KAT6B: variants seen among roughly 807,000 people sequenced by gnomAD.
KAT6B encodes histone acetyltransferase KAT6B.
Under a neutral mutation model 187.5 loss-of-function variants are expected in KAT6B, and 10 were observed. The observed-to-expected ratio is 0.05, with a 90% CI of 0.03 to 0.09. The LOEUF is 0.09. Among genes scored for constraint, KAT6B ranks in the 10% least tolerant of loss-of-function variants. The pLI, the probability that KAT6B is intolerant of heterozygous loss-of-function variation, is 1.00. For missense variants in KAT6B, 1,952 were observed against 2,558.9 expected (o/e 0.76, Z 5.12); for synonymous variants, 861 against 926.8 (o/e 0.93, Z 1.29).
At chr10:74,946,455 A>T (rs1839955257) in intron 3 of KAT6B, among the ~76,000 whole-genome samples, 1 of 152,248 alleles carries the variant, frequency 6.6e-6, no homozygotes, top group Admixed American at 6.5e-5. Flanking sequence ...AGTGATTTTT[A>T]AAATTTTAGC....
chr10:74,985,835 G>A (rs117555894), intron 12 of KAT6B, among the ~76,000 whole-genome samples: 5,028 of 152,110 alleles, frequency 0.033, 147 homozygotes, highest in East Asian at 0.09. Flanking sequence ...TCATGAGGTC[G>A]AGAGATAGAG....
intron 3 of KAT6B, among the ~76,000 whole-genome samples, chr10:74,886,815 A>G (rs1047358989): frequency 1.3e-5 from 2 of 152,200 alleles, no homozygotes; most frequent in Non-Finnish European, 2.9e-5. Context: ...TGACCCAGGA[A>G]CCAGAGCTCA....
chr10:74,832,213 AG>A (rs1338231636), intron 1 of KAT6B, among the ~76,000 whole-genome samples: 21 of 152,252 alleles, frequency 1.4e-4, no homozygotes, highest in Admixed American at 1.4e-3. Flanking sequence ...AACTCTCAAA[AG>A]GGAACCTGAA....
At chr10:74,955,368 AG>A (rs1474478730) in intron 3 of KAT6B, among the ~76,000 whole-genome samples, 1 of 143,592 alleles carries the variant, frequency 7.0e-6, no homozygotes, top group Non-Finnish European at 1.5e-5. Context: ...TTGAGAGTAA[AG>A]GGACACAATT....
At chr10:74,891,623 A>G (rs1312319757) in intron 3 of KAT6B, among the ~76,000 whole-genome samples, 1 of 152,250 alleles carries the variant, frequency 6.6e-6, no homozygotes, top group African/African-American at 2.4e-5. Flanking sequence ...AAAAAATTAA[A>G]TAATCTCCTG....
chr10:75,021,748 G>A, intron 15 of KAT6B, 133 bp from the exon 16 acceptor site: 1 of 845,292 alleles, frequency 1.2e-6, no homozygotes, highest in Non-Finnish European at 2.0e-6. Flanking sequence ...CTGAGATGAT[G>A]CAGCTGGAAT....
At chr10:75,007,192 C>G (rs1844267955) in intron 13 of KAT6B, among the ~76,000 whole-genome samples, 1 of 152,008 alleles carries the variant, frequency 6.6e-6, no homozygotes, top group South Asian at 2.1e-4. Flanking sequence ...AAAGGACAAC[C>G]AGAAATTATC....
intron 3 of KAT6B, among the ~76,000 whole-genome samples, chr10:74,854,750 A>G (rs1201852016): frequency 2.0e-5 from 3 of 152,144 alleles, no homozygotes; most frequent in Non-Finnish European, 4.4e-5. Context: ...ACCAGCTGCA[A>G]TTTGGTTTCA....
At chr10:74,866,791 G>T (rs1475495794) in intron 3 of KAT6B, among the ~76,000 whole-genome samples, 1 of 152,188 alleles carries the variant, frequency 6.6e-6, no homozygotes, top group African/African-American at 2.4e-5. Context: ...GCACCAAAAT[G>T]AGACTTTCTT....
At chr10:74,895,861 G>C (rs1224336413) in intron 3 of KAT6B, among the ~76,000 whole-genome samples, 1 of 152,068 alleles carries the variant, frequency 6.6e-6, no homozygotes, top group Non-Finnish European at 1.5e-5. Flanking sequence ...TCCCCAGCAT[G>C]ACTTCCTCTT....
chr10:74,874,274 A>T (rs572775577), intron 3 of KAT6B, among the ~76,000 whole-genome samples: 1 of 152,168 alleles, frequency 6.6e-6, no homozygotes, highest in Admixed American at 6.5e-5. Flanking sequence ...AGACAAATTC[A>T]CTTGGGTGGT....
rs185967285 is a variant in KAT6B, at chr10:74,838,170, G to A, written c.-328-513G>A. Among the ~76,000 whole-genome samples the A allele has an allele frequency of 2.9e-4, 44 of 152,214 alleles. No individual in the cohort carries two copies. The East Asian group carries it at 7.9e-3, about 27-fold the overall frequency. On this transcript the variant is annotated intron_variant, in intron 1 of 17. Coordinates refer to ENST00000287239, the MANE Select transcript of KAT6B (RefSeq NM_012330.4). ...TATTTACTATTATGTAAACTGGTACGTTTTTCTTGTAGGTGAGCTTATTGG... is the reference window on the plus strand; with the variant it reads ...TATTTACTATTATGTAAACTGGTACATTTTTCTTGTAGGTGAGCTTATTGG...
intron 3 of KAT6B, among the ~76,000 whole-genome samples, chr10:74,895,164 G>T (rs986855284): frequency 2.0e-5 from 3 of 150,930 alleles, no homozygotes; most frequent in African/African-American, 7.3e-5. Context: ...CTTTTTATAT[G>T]CTTCTTGCCC....
At position 75,024,989 on chromosome 10, in the gene KAT6B, G is replaced by T. The variant is rs138617006; in HGVS notation, c.3404G>T (p.Arg1135Leu). ...RPFVLKKKRG[R>L]KRRRINSSVT... is the part of the protein sequence containing the mutation. ...TTTGTACTAAAGAAGAAAAGGGGTC[G>T]TAAACGCAGGAGGATCAACAGCAGT... The change falls in exon 17 of 18, where the codon CGT becomes CTT. Residue 1135 changes from arginine to leucine, a missense_variant. Physicochemically the swap from Arg to Leu is moderately radical, Grantham distance 102. Transcript: ENST00000287239. The T allele has an allele frequency of 6.2e-7, 1 of 1,614,176 alleles. No individual in the cohort carries two copies. The highest frequency in any genetic ancestry group is 1.7e-5 in the Admixed American group (1 of 60,022).
chr10:75,001,266 C>T (rs866585232), intron 13 of KAT6B, among the ~76,000 whole-genome samples: 31 of 152,220 alleles, frequency 2.0e-4, no homozygotes, highest in African/African-American at 7.5e-4. Flanking sequence ...CACCCACGTC[C>T]GTAGAGATCC....
In KAT6B at chr10:74,830,064, G is replaced by T. The variant is rs1213095359; in HGVS notation, c.-329+3279G>T. On this transcript the variant is annotated intron_variant, in intron 1 of 17. Coordinates refer to ENST00000287239, the MANE Select transcript of KAT6B (RefSeq NM_012330.4). ...AAGAAAAATATTTTATGTAAGTAGG[G>T]ATGTGTAAGCTGTAGTGATCAGTCT... 2.0e-5 allele frequency among the ~76,000 whole-genome samples: 3 copies of T among 151,852 alleles called. 1 individual carries two copies. The South Asian group carries it at 6.2e-4, about 32-fold the overall frequency.
At chr10:74,983,320 A>T (rs1419867671) in intron 11 of KAT6B, 1 of 152,592 alleles carries the variant, frequency 6.6e-6, no homozygotes. Context: ...ATGTCTCCAG[A>T]CGTAGCCAAA....
At chr10:74,971,759 T>C (rs975781207) in intron 6 of KAT6B, among the ~76,000 whole-genome samples, 4 of 152,184 alleles carry the variant, frequency 2.6e-5, no homozygotes, top group Non-Finnish European at 5.9e-5. Context: ...TCCACATATC[T>C]TTCCTGGTAC....
At chr10:74,949,768 C>CT (rs1257003105) in intron 3 of KAT6B, among the ~76,000 whole-genome samples, 1 of 152,096 alleles carries the variant, frequency 6.6e-6, no homozygotes, top group African/African-American at 2.4e-5. Context: ...TCATTTATAT[C>CT]TTTTTTTGTT....
Sources: gnomAD v4.1 joint callset for allele counts (sites outside exome capture counted in the v4.1 genomes callset) on GRCh38, gnomAD v4.1.1 for gene constraint, MANE v1.5 for transcripts, NCBI Gene and HGNC (gene_info 2026-07-23, HGNC 2026-07-21) for gene names.